The following PTPRR variants were observed in gnomAD, a reference collection of about 807,000 sequenced individuals.
PTPRR encodes protein tyrosine phosphatase receptor type R.
In PTPRR, 38 loss-of-function variants were observed where a neutral mutation model predicts 77.2. The observed-to-expected ratio is 0.49, with a 90% CI of 0.38 to 0.65. PTPRR has a LOEUF of 0.65. Ranked by LOEUF, PTPRR falls within the 30% of genes least tolerant of loss-of-function variation. The pLI is 0.00. For missense variants in PTPRR, 744 were observed against 799.2 expected (o/e 0.93, Z 0.83); for synonymous variants, 299 against 283.1 (o/e 1.06, Z -0.57).
At chr12:70,759,437 G>A (rs987940909) in intron 4 of PTPRR, among the ~76,000 whole-genome samples, 2 of 152,082 alleles carry the variant, frequency 1.3e-5, no homozygotes, top group Non-Finnish European at 2.9e-5. Flanking sequence ...CTTCGTCTGT[G>A]GAGGTACAAG....
intron 2 of PTPRR, among the ~76,000 whole-genome samples, chr12:70,851,915 T>C (rs1892577642): frequency 6.6e-6 from 1 of 152,246 alleles, no homozygotes; most frequent in Non-Finnish European, 1.5e-5. Flanking sequence ...TTTTCAATTC[T>C]CTTTTTTACT....
chr12:70,642,849 G>A, intron 13 of PTPRR, among the ~76,000 whole-genome samples: 1 of 152,218 alleles, frequency 6.6e-6, no homozygotes, highest in Non-Finnish European at 1.5e-5. Context: ...TGCATATATT[G>A]ATATATAGAA....
chr12:70,698,640 C>A, intron 7 of PTPRR, among the ~76,000 whole-genome samples: 1 of 152,050 alleles, frequency 6.6e-6, no homozygotes, highest in East Asian at 1.9e-4. Flanking sequence ...GACATAATTG[C>A]TAGAAAGATT....
chr12:70,868,221 A>G (rs1892893426), intron 2 of PTPRR, among the ~76,000 whole-genome samples: 1 of 152,176 alleles, frequency 6.6e-6, no homozygotes, highest in Non-Finnish European at 1.5e-5. Flanking sequence ...TCTGCACAGC[A>G]AAAGAAACTA....
intron 1 of PTPRR, among the ~76,000 whole-genome samples, chr12:70,908,317 C>T (rs1322324397): frequency 1.3e-5 from 2 of 152,080 alleles, no homozygotes; most frequent in African/African-American, 2.4e-5. Context: ...TCCATTCTCA[C>T]GCTGTTAATA....
chr12:70,698,967 T>C (rs1167595862), intron 7 of PTPRR, among the ~76,000 whole-genome samples: 6 of 152,196 alleles, frequency 3.9e-5, no homozygotes, highest in Non-Finnish European at 8.8e-5. Context: ...AACATTACTA[T>C]TCTTATTTTA....
intron 1 of PTPRR, among the ~76,000 whole-genome samples, chr12:70,919,746 A>AG (rs2045230556): frequency 1.4e-5 from 2 of 145,756 alleles, no homozygotes; most frequent in East Asian, 4.0e-4. Flanking sequence ...GAAAGAGACA[A>AG]GAGGATTCTA....
chr12:70,852,983 A>C (rs1023665923), intron 2 of PTPRR, among the ~76,000 whole-genome samples: 1 of 152,260 alleles, frequency 6.6e-6, no homozygotes, highest in Non-Finnish European at 1.5e-5. Flanking sequence ...GCAAATTTCT[A>C]TCTTATGTTC....
At chr12:70,823,241 A>ATAAG (rs1167148501) in intron 2 of PTPRR, among the ~76,000 whole-genome samples, 38 of 152,274 alleles carry the variant, frequency 2.5e-4, no homozygotes, top group African/African-American at 8.9e-4. Context: ...TTAAACTAGA[A>ATAAG]TAAGAGTGAA....
At chr12:70,742,695 A>T (rs1214727774) in intron 6 of PTPRR, among the ~76,000 whole-genome samples, 1 of 152,194 alleles carries the variant, frequency 6.6e-6, no homozygotes, top group African/African-American at 2.4e-5. Flanking sequence ...GTGGACTGGA[A>T]AAAAACAGAA....
intron 10 of PTPRR, chr12:70,671,954 C>A: frequency 8.8e-7 from 1 of 1,131,188 alleles, no homozygotes; most frequent in Non-Finnish European, 1.3e-6. Context: ...GCTCACAGCT[C>A]TGCTGCAGGC....
At chr12:70,857,668 A>G (rs1156924321) in intron 2 of PTPRR, among the ~76,000 whole-genome samples, 1 of 152,138 alleles carries the variant, frequency 6.6e-6, no homozygotes, top group Non-Finnish European at 1.5e-5. Flanking sequence ...TAAAATCTAT[A>G]TAGAGTGAAT....
chr12:70,768,654 T>C (rs1340212604), intron 2 of PTPRR, among the ~76,000 whole-genome samples: 1 of 152,180 alleles, frequency 6.6e-6, no homozygotes, highest in Non-Finnish European at 1.5e-5. Context: ...CCCTAACTCA[T>C]TTTATGAGGC....
intron 2 of PTPRR, among the ~76,000 whole-genome samples, chr12:70,804,980 T>C (rs1039307076): frequency 5.9e-5 from 9 of 152,202 alleles, no homozygotes; most frequent in Admixed American, 5.9e-4. Flanking sequence ...TAATATTTTA[T>C]GTATCTCTCC....
chr12:70,802,625 G>T (rs1036807730), intron 2 of PTPRR, among the ~76,000 whole-genome samples: 1 of 152,130 alleles, frequency 6.6e-6, no homozygotes, highest in South Asian at 2.1e-4. Context: ...ATTTACAAAT[G>T]CATTTAACGA....
chr12:70,847,428 TCA>T (rs1295855118), intron 2 of PTPRR, among the ~76,000 whole-genome samples: 2 of 152,176 alleles, frequency 1.3e-5, no homozygotes, highest in African/African-American at 4.8e-5. Context: ...CTCTGATATT[TCA>T]GATGACTGAT....
chr12:70,765,164 C>T (rs944438221), intron 2 of PTPRR, among the ~76,000 whole-genome samples: 6 of 152,148 alleles, frequency 3.9e-5, no homozygotes, highest in African/African-American at 1.4e-4. Context: ...GGGCGCAGGA[C>T]AGTGGGTGCA....
chr12:70,765,794 CG>C (rs1890805617), intron 2 of PTPRR, among the ~76,000 whole-genome samples: 1 of 152,122 alleles, frequency 6.6e-6, no homozygotes, highest in South Asian at 2.1e-4. Context: ...CTCACACAGC[CG>C]GGTACTCCTC....
At chr12:70,701,627 A>T (rs1888428581) in intron 6 of PTPRR, among the ~76,000 whole-genome samples, 1 of 152,200 alleles carries the variant, frequency 6.6e-6, no homozygotes, top group South Asian at 2.1e-4. Flanking sequence ...AAGTAAAAAA[A>T]AATTAGGAAA....
Sources: allele counts gnomAD v4.1 joint callset (sites outside exome capture counted in the v4.1 genomes callset), GRCh38; gene constraint gnomAD v4.1.1; transcripts MANE v1.5; gene names NCBI Gene and HGNC (gene_info 2026-07-23, HGNC 2026-07-21).